Variants in TRAF3IP1 observed in about 807,000 individuals in gnomAD.
The protein encoded by TRAF3IP1 is intraflagellar transport 54, also known as TRAF3-interacting protein 1.
In TRAF3IP1, 53 loss-of-function variants were observed where a neutral mutation model predicts 89.9. The observed-to-expected ratio is 0.59, with a 90% CI of 0.47 to 0.74. The LOEUF (loss-of-function observed/expected upper bound fraction) is 0.74. Ranked by LOEUF, TRAF3IP1 falls within the 30% of genes least tolerant of loss-of-function variation. The pLI is 0.00. For missense variants in TRAF3IP1, 806 were observed against 866.1 expected (o/e 0.93, Z 0.87); for synonymous variants, 311 against 322.1 (o/e 0.97, Z 0.37).
intron 5 of TRAF3IP1, among the ~76,000 whole-genome samples, chr2:238,332,592 C>T (rs1229755166): frequency 2.0e-5 from 3 of 152,094 alleles, no homozygotes; most frequent in Non-Finnish European, 2.9e-5. Flanking sequence ...AAGTCCTTGC[C>T]CACCTACTCT....
At chr2:238,361,039 A>G (rs1161284742) in intron 15 of TRAF3IP1, among the ~76,000 whole-genome samples, 1 of 150,440 alleles carries the variant, frequency 6.6e-6, no homozygotes, top group South Asian at 2.1e-4. Flanking sequence ...TTGCCTTTTT[A>G]TTTAAAAAAC....
In TRAF3IP1 at chr2:238,375,986, A is replaced by G. The variant is rs549309379; in HGVS notation, c.1689+19906A>G. Among the ~76,000 whole-genome samples, 10 of 152,290 alleles carry G rather than the reference A, an allele frequency of 6.6e-5. No homozygotes were observed. In the East Asian group the frequency reaches 1.9e-3, roughly 29 times the overall value. ...TGCAATGCTGTCTCTGCTGAATATGAAAGTTCCATATGCGTGGAACTCTTT... is the reference window on the plus strand; with the variant it reads ...TGCAATGCTGTCTCTGCTGAATATGGAAGTTCCATATGCGTGGAACTCTTT... On this transcript the variant is annotated intron_variant, in intron 15 of 16. Coordinates refer to ENST00000373327, the MANE Select transcript of TRAF3IP1 (RefSeq NM_015650.4).
At chr2:238,339,169 G>C (rs1158940377) in intron 8 of TRAF3IP1, among the ~76,000 whole-genome samples, 1 of 152,204 alleles carries the variant, frequency 6.6e-6, no homozygotes, top group Non-Finnish European at 1.5e-5. Context: ...TTCTCTCTCT[G>C]TGTGCGTTCC....
intron 15 of TRAF3IP1, among the ~76,000 whole-genome samples, chr2:238,389,580 T>C (rs1700911499): frequency 6.6e-6 from 1 of 152,010 alleles, no homozygotes; most frequent in Non-Finnish European, 1.5e-5. Context: ...AAACCCCATC[T>C]CTACTAAAAA....
Position 238,399,087 on chromosome 2 carries a change from T to TA in TRAF3IP1, c.*175dup, listed in dbSNP as rs1357364815. On this transcript the variant is annotated 3_prime_UTR_variant, in exon 17 of 17. Coordinates refer to ENST00000373327, the MANE Select transcript of TRAF3IP1 (RefSeq NM_015650.4). ...AAAACTGTAAGCATGTTAAGTGTAT[T>TA]AAAAAAACCATGTTTTCTTACCTCC... 6 of 606,644 alleles carry TA rather than the reference T, an allele frequency of 9.9e-6. No homozygotes were observed. Among genetic ancestry groups the TA allele is most frequent in the South Asian group, 5.6e-5 (2 of 35,742 alleles). 37.6% of individuals were successfully genotyped at this position (606,644 alleles called of 1,614,324 possible). A position where few individuals can be genotyped will look rare whatever the true frequency, so the allele number is the denominator to read the frequency against.
At chr2:238,322,149 G>T (rs1053072164) in intron 1 of TRAF3IP1, among the ~76,000 whole-genome samples, 7 of 152,248 alleles carry the variant, frequency 4.6e-5, no homozygotes, top group Non-Finnish European at 1.0e-4. Context: ...CCACCGTCCC[G>T]TGAAGTAGGC....
intron 15 of TRAF3IP1, among the ~76,000 whole-genome samples, chr2:238,373,786 G>A (rs1700206049): frequency 6.6e-6 from 1 of 152,144 alleles, no homozygotes; most frequent in African/African-American, 2.4e-5. Flanking sequence ...TCTTCCATTT[G>A]TTTGTGTCTT....
At position 238,329,028 on chromosome 2, in the gene TRAF3IP1, AAGG is replaced by A. The variant is rs1697983701; in HGVS notation, c.604_606del (p.Glu202del). 1 of 1,551,756 alleles carries A rather than the reference AAGG, an allele frequency of 6.4e-7. No homozygotes were observed. Among genetic ancestry groups the A allele is most frequent in the African/African-American group, 1.4e-5 (1 of 72,998 alleles). ...CAAGCCAAGAGAAAAGGACAAGGAC[AAGG>A]AGAAGGCCAAGGAGAATGGCGGAAA... On this transcript the variant is annotated inframe_deletion, in exon 5 of 17. Coordinates refer to ENST00000373327, the MANE Select transcript of TRAF3IP1 (RefSeq NM_015650.4).
chr2:238,366,089 C>G lies in TRAF3IP1; in HGVS notation c.1689+10009C>G, dbSNP rs147053646. Among the ~76,000 whole-genome samples the G allele has an allele frequency of 7.0e-3, 1,059 of 152,118 alleles. 11 individuals carry two copies. Among genetic ancestry groups the G allele is most frequent in the African/African-American group, 0.023 (975 of 41,508 alleles). On this transcript the variant is annotated intron_variant, in intron 15 of 16. Transcript: ENST00000373327. The stretch of plus-strand genomic sequence containing the variant: ...TGAAATCCCATCTCTACCAGAAATA[C>G]AAAGGGGTGGCAGGCGCCTGTAGTC...
intron 12 of TRAF3IP1, 77 bp downstream of exon 12, chr2:238,349,485 G>C (rs531896110): frequency 1.0e-5 from 15 of 1,429,388 alleles, no homozygotes. Flanking sequence ...CTAAGAGAAG[G>C]GGGAGGGAAG....
chr2:238,353,063 G>GT, intron 13 of TRAF3IP1, 110 bp from the exon 14 acceptor site: 2 of 1,547,394 alleles, frequency 1.3e-6, no homozygotes, highest in Non-Finnish European at 1.8e-6. Flanking sequence ...TTTTCAGTTA[G>GT]TTTTCTACCT....
chr2:238,355,925 C>A, intron 14 of TRAF3IP1, 79 bp from the exon 15 acceptor site: 3 of 995,006 alleles, frequency 3.0e-6, no homozygotes, highest in South Asian at 1.4e-5. Context: ...TAGTGTTTTT[C>A]CCACCATCCC....
chr2:238,356,201 T>A, intron 15 of TRAF3IP1, 121 bp downstream of exon 15: 1 of 865,392 alleles, frequency 1.2e-6, no homozygotes, highest in South Asian at 1.5e-5. Context: ...TTTGCATATT[T>A]AAATGCCATT....
intron 2 of TRAF3IP1, among the ~76,000 whole-genome samples, 166 bp from the exon 3 acceptor site, chr2:238,325,643 T>G (rs1181887224): frequency 1.3e-5 from 2 of 152,262 alleles, no homozygotes; most frequent in Non-Finnish European, 2.9e-5. Flanking sequence ...CTTTAATGAA[T>G]TGTTTTTGTT....
At chr2:238,385,283 T>C (rs1178822233) in intron 15 of TRAF3IP1, among the ~76,000 whole-genome samples, 1 of 152,206 alleles carries the variant, frequency 6.6e-6, no homozygotes, top group Non-Finnish European at 1.5e-5. Flanking sequence ...CCCAAAGTGC[T>C]GGGATTACAG....
In TRAF3IP1 at chr2:238,328,772, G is replaced by A. The variant is rs766972958; in HGVS notation, c.441G>A (p.Gln147=). ...KGRASLTSRS[Q]ELDNKNVREE... is the part of the protein sequence containing the mutation. ...GGGCCTCACTGACCTCAAGATCTCA[G>A]GAATTGGATAATAAGAATGTGCGAG... is the stretch of plus-strand genomic sequence containing the variant. The change falls in exon 4 of 17, where the codon CAG becomes CAA. Residue 147 remains glutamine (Q), a synonymous_variant. Coordinates refer to ENST00000373327, the MANE Select transcript of TRAF3IP1 (RefSeq NM_015650.4). The A allele has an allele frequency of 1.9e-6, 3 of 1,614,062 alleles. No homozygotes were observed. Among genetic ancestry groups the A allele is most frequent in the Non-Finnish European group, 2.5e-6 (3 of 1,180,026 alleles).
chr2:238,338,445 A>G lies in TRAF3IP1; in HGVS notation c.1147A>G (p.Thr383Ala), dbSNP rs2106377307. The change falls in exon 8 of 17, where the codon ACA becomes GCA. Residue 383 changes from threonine to alanine, a missense_variant. This residue lies in a region of TRAF3IP1 where 732 missense variants were observed against 780.5 expected (regional missense o/e 0.94). Coordinates refer to ENST00000373327, the MANE Select transcript of TRAF3IP1 (RefSeq NM_015650.4). The part of the protein sequence containing the change: ...INNEPNQETT[T>A]SEIGTKEANI... ...TAATGAGCCAAATCAGGAAACGACA[A>G]CATCAGAAATAGGTAAGAAAAATAT... is the stretch of plus-strand genomic sequence containing the variant. 6.3e-7 allele frequency: 1 copy of G among 1,581,296 alleles called. No homozygotes were observed. The highest frequency in any genetic ancestry group is 1.2e-5 in the South Asian group (1 of 86,906).
Position 238,348,897 on chromosome 2 carries a change from G to GA in TRAF3IP1, c.1367+50dup, listed in dbSNP as rs796360287. On this transcript the variant is annotated intron_variant, in intron 11 of 16. Coordinates refer to ENST00000373327, the MANE Select transcript of TRAF3IP1 (RefSeq NM_015650.4). ...CCCTCAGCAGAGTGATCACACCTAG[G>GA]ACACTGCTGTGCTTCTCTTTCTGGC... 3 of 1,487,492 alleles carry GA rather than the reference G, an allele frequency of 2.0e-6. No individual in the cohort carries two copies. In the African/African-American group the frequency reaches 4.1e-5, roughly 21 times the overall value. 92.1% of individuals were successfully genotyped at this position (1,487,492 alleles called of 1,614,324 possible).
At chr2:238,350,331 GGT>G (rs748742540) in intron 12 of TRAF3IP1, among the ~76,000 whole-genome samples, 4 of 152,162 alleles carry the variant, frequency 2.6e-5, no homozygotes, top group Admixed American at 6.5e-5. Context: ...ACAGGGGTTT[GGT>G]GGAGCAGAGT....
Sources: allele counts gnomAD v4.1 joint callset (sites outside exome capture counted in the v4.1 genomes callset), GRCh38; gene constraint gnomAD v4.1.1; regional missense constraint gnomAD v4.1.1; transcripts MANE v1.5; gene names NCBI Gene and HGNC (gene_info 2026-07-23, HGNC 2026-07-21).